The following PCDHA7 variants were observed in gnomAD, a reference collection of about 807,000 sequenced individuals.
The protein encoded by PCDHA7 is protocadherin alpha-7.
In PCDHA7, 37 loss-of-function variants were observed where a neutral mutation model predicts 57.2. That is an observed-to-expected ratio of 0.65 (90% CI 0.50 to 0.85). The LOEUF (loss-of-function observed/expected upper bound fraction) is 0.85, where lower values mean the gene tolerates loss of function less well. Among genes scored for constraint, PCDHA7 ranks in the 40% least tolerant of loss-of-function variants. PCDHA7 has a pLI of 0.00. For synonymous variants in PCDHA7, 553 were observed against 558.8 expected (o/e 0.99, Z 0.15); for missense variants, 1,188 against 1,241.8 (o/e 0.96, Z 0.65).
In PCDHA7 at chr5:140,835,994, G is replaced by A; in HGVS notation, c.1611G>A (p.Ala537=). ...AGCTGTTGCAGTTCCAGGTGAGCGC[G>A]CGCGATGCGGGCGTGCCGCCTCTGG... ...ELELLQFQVS[A]RDAGVPPLGS... Residue 537 remains alanine (A), a synonymous_variant, in exon 1 of 4, where the codon GCG becomes GCA. Transcript: ENST00000525929. The A allele has an allele frequency of 1.9e-6, 3 of 1,613,352 alleles. No homozygotes were observed. Among genetic ancestry groups the A allele is most frequent in the South Asian group, 1.1e-5 (1 of 91,072 alleles).
intron 1 of PCDHA7, chr5:140,870,911 A>C (rs782609021): frequency 6.2e-7 from 1 of 1,613,910 alleles, no homozygotes; most frequent in Non-Finnish European, 8.5e-7. Context: ...TCAGGCTACA[A>C]CGCGTGGCTT....
At chr5:141,000,417 A>ATTTTT (rs1563652061) in intron 3 of PCDHA7, among the ~76,000 whole-genome samples, 3 of 77,750 alleles carry the variant, frequency 3.9e-5, no homozygotes, top group Non-Finnish European at 7.0e-5. Flanking sequence ...ATATATATAT[A>ATTTTT]TATATTTTTT....
intron 1 of PCDHA7, among the ~76,000 whole-genome samples, chr5:140,943,845 C>T (rs59104695): frequency 0.056 from 8,479 of 152,194 alleles, 700 homozygotes; most frequent in African/African-American, 0.18. Flanking sequence ...TGTAAGATGT[C>T]ACAGAAGTCA....
intron 1 of PCDHA7, among the ~76,000 whole-genome samples, chr5:140,936,457 TG>T (rs782214118): frequency 2.2e-4 from 34 of 152,232 alleles, no homozygotes; most frequent in Non-Finnish European, 4.6e-4. Flanking sequence ...ATCTGTTTAG[TG>T]GTTGCTGTAG....
Position 140,887,400 on chromosome 5 carries a change from A to G in PCDHA7, c.2355+50662A>G, listed in dbSNP as rs563892577. Among the ~76,000 whole-genome samples, 411 of 152,184 alleles carry G rather than the reference A, an allele frequency of 2.7e-3. 1 individual carries two copies. The highest frequency in any genetic ancestry group is 4.5e-3 in the Non-Finnish European group (305 of 68,000). On this transcript the variant is annotated intron_variant, in intron 1 of 3. Transcript: ENST00000525929. ...TGTGAGCCACCGCGCCCGGCTCTTT[A>G]TCTCATTTTTATTTTTGAAAAAGTA...
At chr5:140,973,472 T>C (rs572763440) in intron 1 of PCDHA7, among the ~76,000 whole-genome samples, 3 of 152,220 alleles carry the variant, frequency 2.0e-5, no homozygotes, top group Non-Finnish European at 4.4e-5. Flanking sequence ...AGTTTGCAAA[T>C]TTCATATTGG....
intron 1 of PCDHA7, among the ~76,000 whole-genome samples, chr5:140,974,552 C>A (rs1554236185): frequency 6.6e-6 from 1 of 152,112 alleles, no homozygotes; most frequent in Non-Finnish European, 1.5e-5. Context: ...GCTCTTGTTG[C>A]CCAGGCTGGA....
intron 1 of PCDHA7, among the ~76,000 whole-genome samples, chr5:140,943,906 C>T (rs963288804): frequency 2.0e-5 from 3 of 152,156 alleles, no homozygotes; most frequent in African/African-American, 7.2e-5. Context: ...ATGTCATGAG[C>T]ACTTTAGCAT....
At chr5:140,883,978 T>G in intron 1 of PCDHA7, 1 of 1,612,780 alleles carries the variant, frequency 6.2e-7, no homozygotes, top group Non-Finnish European at 8.5e-7. Flanking sequence ...CGCCCGGGGC[T>G]GGCAGCGCGG....
At chr5:140,947,811 A>G (rs1554218329) in intron 1 of PCDHA7, among the ~76,000 whole-genome samples, 1 of 151,582 alleles carries the variant, frequency 6.6e-6, no homozygotes, top group Admixed American at 6.6e-5. Flanking sequence ...TGCAGAGACT[A>G]TTTCTTCCTT....
At chr5:140,937,789 G>A (rs1413517840) in intron 1 of PCDHA7, among the ~76,000 whole-genome samples, 1 of 151,816 alleles carries the variant, frequency 6.6e-6, no homozygotes, top group Non-Finnish European at 1.5e-5. Flanking sequence ...GCGGGCGTAT[G>A]TAGTCCCAGC....
intron 1 of PCDHA7, among the ~76,000 whole-genome samples, chr5:140,900,019 A>T (rs1164566696): frequency 1.3e-5 from 2 of 151,964 alleles, no homozygotes; most frequent in African/African-American, 4.8e-5. Flanking sequence ...TTTGTTACCC[A>T]GTTTGGCCTT....
At chr5:141,006,375 CTAAG>C (rs2098270775) in intron 3 of PCDHA7, among the ~76,000 whole-genome samples, 1 of 151,930 alleles carries the variant, frequency 6.6e-6, no homozygotes, top group Admixed American at 6.6e-5. Flanking sequence ...CCACGCCCGG[CTAAG>C]TTTTTTCTAT....
chr5:140,974,182 A>G (rs2096618692), intron 1 of PCDHA7, among the ~76,000 whole-genome samples: 1 of 152,248 alleles, frequency 6.6e-6, no homozygotes, highest in Non-Finnish European at 1.5e-5. Context: ...AACTTGACAA[A>G]TGCAAAGGAA....
intron 1 of PCDHA7, chr5:140,882,698 G>GA: frequency 6.2e-7 from 1 of 1,614,200 alleles, no homozygotes; most frequent in Non-Finnish European, 8.5e-7. Flanking sequence ...AATCATTGCA[G>GA]AATCTAGACC....
intron 1 of PCDHA7, among the ~76,000 whole-genome samples, chr5:140,920,560 C>T (rs1288031450): frequency 1.3e-5 from 2 of 152,168 alleles, no homozygotes; most frequent in Non-Finnish European, 2.9e-5. Flanking sequence ...AAGTGTGGCC[C>T]TTAGGCCAGG....
At chr5:140,877,317 G>A (rs535177109) in intron 1 of PCDHA7, 1 of 1,613,886 alleles carries the variant, frequency 6.2e-7, no homozygotes. Context: ...AACCGGCGGC[G>A]GTCGGCGCGC....
At chr5:140,889,763 T>C (rs2062377523) in intron 1 of PCDHA7, among the ~76,000 whole-genome samples, 1 of 152,192 alleles carries the variant, frequency 6.6e-6, no homozygotes, top group African/African-American at 2.4e-5. Context: ...TCCTTGAACT[T>C]TGACTGGTCT....
chr5:140,973,549 A>G (rs1040107774), intron 1 of PCDHA7, among the ~76,000 whole-genome samples: 2 of 152,230 alleles, frequency 1.3e-5, no homozygotes, highest in Non-Finnish European at 2.9e-5. Context: ...ATTTATTTCA[A>G]TTACCTCTTT....
Sources: gnomAD v4.1 joint callset for allele counts (sites outside exome capture counted in the v4.1 genomes callset) on GRCh38, gnomAD v4.1.1 for gene constraint, MANE v1.5 for transcripts, NCBI Gene and HGNC (gene_info 2026-07-23, HGNC 2026-07-21) for gene names.